ORC5: variants seen among roughly 807,000 people sequenced by gnomAD.
The protein encoded by ORC5 is origin recognition complex subunit 5, also known as protein phosphatase 1, regulatory subunit 117.
A neutral mutation model predicts 58.8 loss-of-function variants in ORC5; 39 were observed. That is an observed-to-expected ratio of 0.66 (90% CI 0.51 to 0.87). The LOEUF is 0.87. Among genes scored for constraint, ORC5 ranks in the 40% least tolerant of loss-of-function variants. The pLI is 0.00. For missense variants in ORC5, 493 were observed against 506.3 expected, an observed-to-expected ratio of 0.97 and a Z score of 0.25; for synonymous variants, 218 against 177.6, an observed-to-expected ratio of 1.23 and a Z score of -1.81.
chr7:104,175,684 C>G (rs1296482284), intron 8 of ORC5, among the ~76,000 whole-genome samples: 2 of 152,206 alleles, frequency 1.3e-5, no homozygotes, highest in Non-Finnish European at 2.9e-5. Flanking sequence ...TAACATTTCT[C>G]TGTCTGGCAT....
rs547349760 is a variant in ORC5, at chr7:104,138,819, A to G, written c.1150-1926T>C. On this transcript the variant is annotated intron_variant, in intron 12 of 13. Transcript: ENST00000297431. The surrounding 1 kb of genome is among the most constrained non-coding windows in gnomAD (Gnocchi z 4.7). ...AGCCCCCGCACCCAACCATTGCTTT[A>G]AAACTTATTGCTGATCGTGTACTCA... Among the ~76,000 whole-genome samples the G allele has an allele frequency of 4.0e-4, 61 of 152,298 alleles. No individual in the cohort carries two copies. Among genetic ancestry groups the G allele is most frequent in the African/African-American group, 1.4e-3 (57 of 41,570 alleles).
At chr7:104,180,232 T>A (rs1052814992) in intron 8 of ORC5, among the ~76,000 whole-genome samples, 8 of 152,244 alleles carry the variant, frequency 5.3e-5, no homozygotes, top group Admixed American at 1.3e-4. Context: ...TTCCAGGTTA[T>A]CTAAATGGGC....
At chr7:104,154,656 A>G (rs1798895436) in intron 12 of ORC5, among the ~76,000 whole-genome samples, 2 of 151,964 alleles carry the variant, frequency 1.3e-5, no homozygotes, top group Non-Finnish European at 2.9e-5. Context: ...GTTAAATGAA[A>G]TTTTAAGCAG....
chr7:104,130,360 A>T (rs969777915), intron 13 of ORC5, among the ~76,000 whole-genome samples: 1 of 152,086 alleles, frequency 6.6e-6, no homozygotes, highest in African/African-American at 2.4e-5. Context: ...AGGAATGGTT[A>T]TTTTCCCCTT....
At chr7:104,189,457 T>C (rs1045819513) in intron 5 of ORC5, among the ~76,000 whole-genome samples, 3 of 152,094 alleles carry the variant, frequency 2.0e-5, no homozygotes, top group Non-Finnish European at 2.9e-5. Flanking sequence ...TACGGGATTA[T>C]AATTCAAGAT....
chr7:104,172,229 T>G (rs976110338), intron 8 of ORC5, among the ~76,000 whole-genome samples: 4 of 152,254 alleles, frequency 2.6e-5, no homozygotes, highest in Non-Finnish European at 4.4e-5. Flanking sequence ...TGGACACAAT[T>G]GAATTTAGGT....
Position 104,136,683 on chromosome 7 carries a change from G to A in ORC5, c.1262+98C>T. On this transcript the variant is annotated intron_variant, in intron 13 of 13. Coordinates refer to ENST00000297431, the MANE Select transcript of ORC5 (RefSeq NM_002553.4). The surrounding 1 kb of genome is among the most constrained non-coding windows in gnomAD (Gnocchi z 4.2). The stretch of plus-strand genomic sequence containing the variant: ...ATTCATTCTTGGCACTTAAATAGAT[G>A]ATTTTTTCATGTTTAAATGTCATGA... The A allele has an allele frequency of 1.3e-6, 1 of 744,446 alleles. No individual in the cohort carries two copies. Among genetic ancestry groups the A allele is most frequent in the South Asian group, 1.8e-5 (1 of 55,208 alleles). The allele number at this position is 744,446 out of a possible 1,614,324, so 46.1% of individuals were successfully genotyped here.
chr7:104,145,864 C>T (rs780859131), intron 12 of ORC5, among the ~76,000 whole-genome samples: 4 of 152,132 alleles, frequency 2.6e-5, no homozygotes, highest in South Asian at 2.1e-4. Context: ...AAAGGCTACC[C>T]AGGTAGGCTC....
intron 1 of ORC5, among the ~76,000 whole-genome samples, chr7:104,205,058 C>T (rs1011708393): frequency 6.2e-5 from 9 of 144,494 alleles, no homozygotes; most frequent in South Asian, 2.2e-4. Context: ...AAAATAATTA[C>T]GGGAAAACTT....
chr7:104,201,892 T>C (rs1301317030), intron 2 of ORC5, among the ~76,000 whole-genome samples: 1 of 150,314 alleles, frequency 6.7e-6, no homozygotes, highest in Non-Finnish European at 1.5e-5. Flanking sequence ...GAGTTCAAGA[T>C]CAGCCTGGGA....
rs143098007 is a variant in ORC5 at position 104,189,699 on chromosome 7, G to A, written c.554-1318C>T. Among the ~76,000 whole-genome samples the A allele has an allele frequency of 1.4e-3, 211 of 152,128 alleles. 1 individual carries two copies. The highest frequency in any genetic ancestry group is 2.4e-3 in the Non-Finnish European group (161 of 68,012). ...GGGTAGCACACTCCAGCCCCACAGG[G>A]ACAGAAGCTCCTGAGCTTGGGACCC... On this transcript the variant is annotated intron_variant, in intron 5 of 13. Coordinates refer to ENST00000297431, the MANE Select transcript of ORC5 (RefSeq NM_002553.4).
chr7:104,135,424 T>C (rs1798574089), intron 13 of ORC5, among the ~76,000 whole-genome samples: 1 of 152,182 alleles, frequency 6.6e-6, no homozygotes, highest in South Asian at 2.1e-4. Context: ...GCCACAAAAA[T>C]GTGGTAAATA....
rs1364858575 is a variant in ORC5 at position 104,138,961 on chromosome 7, C to T, written c.1150-2068G>A. 6.6e-6 allele frequency among the ~76,000 whole-genome samples: 1 copy of T among 152,152 alleles called. No homozygotes were observed. The highest frequency in any genetic ancestry group is 2.4e-5 in the African/African-American group (1 of 41,444). Reference sequence around the variant, plus strand: ...ACTAAAATATTAAGTTCTCTGAAATCTAAGAAAGGAAGCTGATCCAAGAGC... The same window carrying T: ...ACTAAAATATTAAGTTCTCTGAAATTTAAGAAAGGAAGCTGATCCAAGAGC... On this transcript the variant is annotated intron_variant, in intron 12 of 13. Coordinates refer to ENST00000297431, the MANE Select transcript of ORC5 (RefSeq NM_002553.4). This position sits in a 1 kb window ranked among gnomAD's most constrained non-coding sequence, Gnocchi z 4.7.
At chr7:104,187,498 C>T (rs1359707785) in intron 6 of ORC5, 2 of 152,808 alleles carry the variant, frequency 1.3e-5, no homozygotes, top group African/African-American at 4.8e-5. Context: ...GACATAGAAT[C>T]TGTTACTTTG....
In ORC5 at chr7:104,187,160, G is replaced by T. The variant is rs532378731; in HGVS notation, c.684+1091C>A. 9.9e-5 allele frequency among the ~76,000 whole-genome samples: 15 copies of T among 152,220 alleles called. No individual in the cohort carries two copies. The South Asian group carries it at 3.1e-3, about 32-fold the overall frequency. On this transcript the variant is annotated intron_variant, in intron 6 of 13. Coordinates refer to ENST00000297431, the MANE Select transcript of ORC5 (RefSeq NM_002553.4). Reference sequence around the variant, plus strand: ...TCCTAAGTCCATCTCACTCAGGTGCGTTTTCCTGACCCTCTCCTCTCTGTA... The same window carrying T: ...TCCTAAGTCCATCTCACTCAGGTGCTTTTTCCTGACCCTCTCCTCTCTGTA...
intron 5 of ORC5, among the ~76,000 whole-genome samples, chr7:104,193,249 T>G (rs1799716356): frequency 6.6e-6 from 1 of 152,076 alleles, no homozygotes; most frequent in African/African-American, 2.4e-5. Context: ...GGTTTTATAA[T>G]TAATATAGTA....
At chr7:104,201,822 T>G (rs1040248686) in intron 2 of ORC5, among the ~76,000 whole-genome samples, 1 of 152,058 alleles carries the variant, frequency 6.6e-6, no homozygotes, top group African/African-American at 2.4e-5. Context: ...TTGCTAGGCA[T>G]ATGGCTCCTG....
chr7:104,144,920 A>C (rs2115785703), intron 12 of ORC5, among the ~76,000 whole-genome samples: 1 of 152,206 alleles, frequency 6.6e-6, no homozygotes. Flanking sequence ...CTAGACAATG[A>C]GTACTCAGAT....
Position 104,180,272 on chromosome 7 carries a change from A to G in ORC5, c.824+3671T>C, listed in dbSNP as rs139928642. ...CATAAGGAGAAGCAATCATACTGCA[A>G]GAGGTTTTTCTTTACTTTTTTGGTA... is the stretch of plus-strand genomic sequence containing the variant. On this transcript the variant is annotated intron_variant, in intron 8 of 13. Coordinates refer to ENST00000297431, the MANE Select transcript of ORC5 (RefSeq NM_002553.4). Among the ~76,000 whole-genome samples the G allele has an allele frequency of 2.0e-3, 310 of 152,320 alleles. 3 individuals carry two copies. Among genetic ancestry groups the G allele is most frequent in the African/African-American group, 7.3e-3 (302 of 41,574 alleles).
Sources: allele counts gnomAD v4.1 joint callset (sites outside exome capture counted in the v4.1 genomes callset), GRCh38; gene constraint gnomAD v4.1.1; non-coding constraint Gnocchi (gnomAD v3.1); transcripts MANE v1.5; gene names NCBI Gene and HGNC (gene_info 2026-07-23, HGNC 2026-07-21).